The following UST variants were observed in gnomAD, a reference collection of about 807,000 sequenced individuals.
The protein encoded by UST is uronyl 2-sulfotransferase.
Under a neutral mutation model 45.6 loss-of-function variants are expected in UST, and 21 were observed. That is an observed-to-expected ratio of 0.46 (90% confidence interval 0.33 to 0.66). The LOEUF is 0.66. Ranked by LOEUF, UST falls within the 30% of genes least tolerant of loss-of-function variation. UST has a pLI of 0.02. For missense variants in UST, 463 were observed against 512.4 expected, an observed-to-expected ratio of 0.90 and a Z score of 0.93; for synonymous variants, 215 against 200.6, an observed-to-expected ratio of 1.07 and a Z score of -0.61.
At chr6:148,835,690 T>C (rs574677604) in intron 1 of UST, among the ~76,000 whole-genome samples, 14 of 152,140 alleles carry the variant, frequency 9.2e-5, no homozygotes, top group Non-Finnish European at 1.6e-4. Context: ...TACTGGCCAG[T>C]CTCCATGACT....
At chr6:148,764,669 A>T (rs1776286648) in intron 1 of UST, among the ~76,000 whole-genome samples, 1 of 152,210 alleles carries the variant, frequency 6.6e-6, no homozygotes, top group African/African-American at 2.4e-5. Context: ...CTGTAAAACC[A>T]GCAAGTTTTT....
chr6:148,835,784 G>A lies in UST; in HGVS notation c.248-51202G>A, dbSNP rs550599720. On this transcript the variant is annotated intron_variant, in intron 1 of 7. Transcript: ENST00000367463. ...AGTATTGAGGTTTGTGTACAAATAC[G>A]GAAGTGTGTGGGGTAGGAAGTTCCG... Among the ~76,000 whole-genome samples the A allele has an allele frequency of 5.3e-5, 8 of 152,300 alleles. No individual in the cohort carries two copies. In the East Asian group the frequency reaches 1.3e-3, roughly 26 times the overall value.
rs114034894 is a variant in UST at position 149,034,171 on chromosome 6, G to A, written c.937+12690G>A. On this transcript the variant is annotated intron_variant, in intron 7 of 7. Coordinates refer to ENST00000367463, the MANE Select transcript of UST (RefSeq NM_005715.3). The stretch of plus-strand genomic sequence containing the variant: ...ATTTTGTTGGCTGCTGATCAGAGTA[G>A]TACATCATGATTTTGTTTCATTTCT... Among the ~76,000 whole-genome samples the A allele has an allele frequency of 6.1e-3, 935 of 152,214 alleles. 9 individuals carry two copies. The highest frequency in any genetic ancestry group is 0.022 in the African/African-American group (905 of 41,522).
At position 149,074,507 on chromosome 6, in the gene UST, G is replaced by A; in HGVS notation, c.*391G>A. On this transcript the variant is annotated 3_prime_UTR_variant, in exon 8 of 8. Transcript: ENST00000367463. The stretch of plus-strand genomic sequence containing the variant: ...GACATCCAGACTTGTATATTTCAGT[G>A]GAAATACAAAACCACTTCAGAGACC... 1 of 202,500 alleles carries A rather than the reference G, an allele frequency of 4.9e-6. No individual in the cohort carries two copies. Among genetic ancestry groups the A allele is most frequent in the Non-Finnish European group, 1.0e-5 (1 of 98,214 alleles). 12.5% of individuals were successfully genotyped at this position (202,500 alleles called of 1,614,324 possible). A position where few individuals can be genotyped will look rare whatever the true frequency, so the allele number is the denominator to read the frequency against.
chr6:148,844,875 A>G (rs1461336067), intron 1 of UST, among the ~76,000 whole-genome samples: 1 of 152,054 alleles, frequency 6.6e-6, no homozygotes, highest in African/African-American at 2.4e-5. Flanking sequence ...ACAGGTGAGA[A>G]CATGTGGCAT....
intron 5 of UST, among the ~76,000 whole-genome samples, chr6:148,969,422 A>G (rs998856804): frequency 1.3e-5 from 2 of 152,192 alleles, no homozygotes; most frequent in African/African-American, 4.8e-5. Context: ...AGGTGTATTT[A>G]TATTCCCTTC....
At chr6:148,965,913 A>G (rs929082333) in intron 5 of UST, among the ~76,000 whole-genome samples, 1 of 140,086 alleles carries the variant, frequency 7.1e-6, no homozygotes, top group African/African-American at 2.7e-5. Context: ...TTATGGCGAA[A>G]CCCTAATCTA....
rs574309667 is a variant in UST, at chr6:148,855,962, C to T, written c.248-31024C>T. The stretch of plus-strand genomic sequence containing the variant: ...CTCCTTTGTATGTTGGTGATCAATT[C>T]TAACTTTTTACAACCTAGTCAAATT... On this transcript the variant is annotated intron_variant, in intron 1 of 7. Transcript: ENST00000367463. Among the ~76,000 whole-genome samples, 108 of 152,242 alleles carry T rather than the reference C, an allele frequency of 7.1e-4. 1 individual carries two copies. Among genetic ancestry groups the T allele is most frequent in the African/African-American group, 2.5e-3 (104 of 41,558 alleles).
chr6:149,023,167 G>GGT (rs1275758711), intron 7 of UST, among the ~76,000 whole-genome samples: 9 of 149,040 alleles, frequency 6.0e-5, no homozygotes, highest in Admixed American at 4.7e-4. Flanking sequence ...TGTGGTGTGT[G>GGT]GTGTGTGTGT....
chr6:148,766,547 A>C (rs139375432), intron 1 of UST, among the ~76,000 whole-genome samples: 71 of 152,286 alleles, frequency 4.7e-4, no homozygotes, highest in Non-Finnish European at 6.6e-4. Context: ...TTGTACCTGG[A>C]GGGACAGAGA....
chr6:148,788,891 A>T (rs1776784564), intron 1 of UST, among the ~76,000 whole-genome samples: 1 of 152,226 alleles, frequency 6.6e-6, no homozygotes, highest in South Asian at 2.1e-4. Context: ...TAGTTCAGGA[A>T]AATGCTGTGG....
chr6:149,015,972 G>C (rs1775890677), intron 5 of UST, among the ~76,000 whole-genome samples: 1 of 152,196 alleles, frequency 6.6e-6, no homozygotes, highest in Non-Finnish European at 1.5e-5. Context: ...GCAGGCCCCT[G>C]GTCCTCAGGC....
intron 2 of UST, among the ~76,000 whole-genome samples, chr6:148,895,647 T>C (rs367781175): frequency 7.9e-5 from 12 of 152,312 alleles, no homozygotes; most frequent in Admixed American, 2.0e-4. Flanking sequence ...GTTCTTGTGG[T>C]AGTGAATCCA....
At chr6:149,063,953 A>G (rs951697066) in intron 7 of UST, among the ~76,000 whole-genome samples, 15 of 152,204 alleles carry the variant, frequency 9.9e-5, no homozygotes, top group African/African-American at 3.1e-4. Context: ...AAAGTTTTCC[A>G]TCTCTTGATT....
chr6:148,942,534 G>A (rs192937645), intron 3 of UST, among the ~76,000 whole-genome samples: 12 of 152,258 alleles, frequency 7.9e-5, no homozygotes, highest in African/African-American at 2.9e-4. Flanking sequence ...CTCCAGCCTG[G>A]AGACAGAGCG....
At chr6:148,881,669 G>C (rs534452587) in intron 1 of UST, among the ~76,000 whole-genome samples, 2 of 152,162 alleles carry the variant, frequency 1.3e-5, no homozygotes, top group South Asian at 2.1e-4. Context: ...ATGCTCAAAG[G>C]CCTGGAGAGT....
chr6:148,987,392 C>T (rs1300662356), intron 5 of UST, among the ~76,000 whole-genome samples: 2 of 152,210 alleles, frequency 1.3e-5, no homozygotes, highest in Admixed American at 1.3e-4. Context: ...GGACAGGGCA[C>T]TGCAGTCTCT....
At chr6:148,763,715 G>A (rs1776265383) in intron 1 of UST, among the ~76,000 whole-genome samples, 1 of 152,022 alleles carries the variant, frequency 6.6e-6, no homozygotes, top group South Asian at 2.1e-4. Flanking sequence ...TCTGCATATG[G>A]CTGTCCAATT....
intron 3 of UST, among the ~76,000 whole-genome samples, chr6:148,942,037 A>G (rs1780137213): frequency 6.6e-6 from 1 of 152,074 alleles, no homozygotes; most frequent in Non-Finnish European, 1.5e-5. Context: ...CCAAGAAGCT[A>G]TGAAGGTTTA....
Sources: gnomAD v4.1 joint callset for allele counts (sites outside exome capture counted in the v4.1 genomes callset) on GRCh38, gnomAD v4.1.1 for gene constraint, MANE v1.5 for transcripts, NCBI Gene and HGNC (gene_info 2026-07-23, HGNC 2026-07-21) for gene names.